KDM4B: variants seen among roughly 807,000 people sequenced by gnomAD.
The protein encoded by KDM4B is lysine-specific demethylase 4B.
KDM4B carries 32 observed loss-of-function variants against 125.2 expected under a neutral mutation model. The observed-to-expected ratio is 0.26, with a 90% CI of 0.19 to 0.34. KDM4B has a LOEUF of 0.34. KDM4B is among the 10% of genes least tolerant of loss of function. The pLI, the probability that KDM4B is intolerant of heterozygous loss-of-function variation, is 1.00. For missense variants in KDM4B, 1,190 were observed against 1,577.7 expected, an observed-to-expected ratio of 0.75 and a Z score of 4.16; for synonymous variants, 721 against 677.9, an observed-to-expected ratio of 1.06 and a Z score of -0.99.
At position 5,035,885 on chromosome 19, in the gene KDM4B, G is replaced by GCGCC. The variant is rs1325785272; in HGVS notation, c.141+2857_141+2858insCCGC. Among the ~76,000 whole-genome samples the GCGCC allele has an allele frequency of 4.9e-5, 7 of 141,618 alleles. No homozygotes were observed. Among genetic ancestry groups the GCGCC allele is most frequent in the African/African-American group, 1.8e-4 (7 of 39,788 alleles). 92.9% of individuals were successfully genotyped at this position (141,618 alleles called of 152,430 possible). ...TCTCTGTGTGTGTGTGTGTGTGCGCGCGCGCGCGCGCCTGCGCGCACAGGA... is the reference window on the plus strand; with the variant it reads ...TCTCTGTGTGTGTGTGTGTGTGCGCGCGCCCGCGCGCGCGCCTGCGCGCACAGGA... On this transcript the variant is annotated intron_variant, in intron 3 of 22. Transcript: ENST00000159111. The surrounding 1 kb of genome is among the most constrained non-coding windows in gnomAD (Gnocchi z 5.3).
chr19:5,131,810 G>A (rs2146060041), intron 12 of KDM4B, 77 bp from the exon 13 acceptor site: 1 of 1,591,334 alleles, frequency 6.3e-7, no homozygotes, highest in Non-Finnish European at 8.6e-7. Context: ...GGCACGCCGA[G>A]CCCCTGTGTG....
intron 9 of KDM4B, among the ~76,000 whole-genome samples, chr19:5,088,665 T>TCCCC (rs35143112): frequency 2.9e-5 from 3 of 103,780 alleles, no homozygotes; most frequent in East Asian, 2.6e-4. Context: ...GCCCCCCCCC[T>TCCCC]CCCCCCCCCC....
intron 1 of KDM4B, among the ~76,000 whole-genome samples, chr19:5,000,690 A>G (rs900561482): frequency 2.0e-5 from 3 of 152,066 alleles, no homozygotes; most frequent in Non-Finnish European, 2.9e-5. Context: ...TAGTTCTTCC[A>G]TTTTTTTCCC....
At chr19:5,120,449 A>C (rs973416718) in intron 11 of KDM4B, among the ~76,000 whole-genome samples, 1 of 152,306 alleles carries the variant, frequency 6.6e-6, no homozygotes, top group East Asian at 1.9e-4. Flanking sequence ...CCCCGTCAGC[A>C]GGTCTCCCAC....
intron 9 of KDM4B, among the ~76,000 whole-genome samples, chr19:5,091,361 T>G (rs1366874451): frequency 6.6e-6 from 1 of 152,184 alleles, no homozygotes; most frequent in African/African-American, 2.4e-5. Context: ...TGTCTGTGGG[T>G]GAGGCCTGCT....
intron 6 of KDM4B, among the ~76,000 whole-genome samples, chr19:5,063,316 G>C (rs1478790912): frequency 6.6e-6 from 1 of 152,098 alleles, no homozygotes; most frequent in African/African-American, 2.4e-5. Context: ...TCATTTTCTT[G>C]CGTGTTCTTT....
intron 6 of KDM4B, among the ~76,000 whole-genome samples, chr19:5,065,251 G>A (rs973695350): frequency 6.6e-6 from 1 of 152,202 alleles, no homozygotes; most frequent in African/African-American, 2.4e-5. Flanking sequence ...GCCCAGGGGT[G>A]GCCTGGGCCG....
Position 5,091,156 on chromosome 19 carries a change from G to A in KDM4B, c.918+8652G>A, listed in dbSNP as rs117913308. Among the ~76,000 whole-genome samples, 993 of 152,372 alleles carry A rather than the reference G, an allele frequency of 6.5e-3. 6 individuals are homozygous for A. Among genetic ancestry groups the A allele is most frequent in the Non-Finnish European group, 9.4e-3 (642 of 68,044 alleles). Reference sequence around the variant, plus strand: ...TGTTAGATTAGCTCAGCACGCGGCCGGGCTGGCCCCGAGGTGGGTGGTGCC... The same window carrying A: ...TGTTAGATTAGCTCAGCACGCGGCCAGGCTGGCCCCGAGGTGGGTGGTGCC... On this transcript the variant is annotated intron_variant, in intron 9 of 22. Coordinates refer to ENST00000159111, the MANE Select transcript of KDM4B (RefSeq NM_015015.3).
intron 2 of KDM4B, among the ~76,000 whole-genome samples, chr19:5,031,361 G>A (rs142814886): frequency 2.0e-4 from 31 of 152,376 alleles, no homozygotes; most frequent in East Asian, 1.3e-3. Context: ...CACTGTGACC[G>A]TCTAGTCTAC....
intron 11 of KDM4B, among the ~76,000 whole-genome samples, chr19:5,127,733 C>T (rs1480394689): frequency 6.6e-6 from 1 of 152,152 alleles, no homozygotes; most frequent in Non-Finnish European, 1.5e-5. Flanking sequence ...GGGAGAGAGC[C>T]CTACAGTGTG....
chr19:5,147,794 G>T (rs1435561267), intron 21 of KDM4B, among the ~76,000 whole-genome samples: 1 of 151,986 alleles, frequency 6.6e-6, no homozygotes, highest in African/African-American at 2.4e-5. Context: ...GGGCGGGGGG[G>T]CAGAGGCTGT....
At chr19:5,045,566 CT>C (rs35326942) in intron 5 of KDM4B, among the ~76,000 whole-genome samples, 449 of 144,874 alleles carry the variant, frequency 3.1e-3, no homozygotes, top group Middle Eastern at 7.2e-3. Context: ...AATTTTCTTT[CT>C]TTTTTTTTTT....
At chr19:5,088,655 G>A (rs1361387409) in intron 9 of KDM4B, among the ~76,000 whole-genome samples, 1 of 98,038 alleles carries the variant, frequency 1.0e-5, no homozygotes, top group Non-Finnish European at 2.2e-5. Context: ...GACAGGCCAG[G>A]CCCCCCCCCT....
chr19:5,119,119 C>T (rs1315801421), intron 10 of KDM4B: 1 of 1,522,804 alleles, frequency 6.6e-7, no homozygotes, highest in Admixed American at 2.0e-5. Flanking sequence ...ACATTCTAGA[C>T]AAATTAGTCT....
At chr19:5,140,156 C>G (rs915751072) in intron 18 of KDM4B, 3 of 152,670 alleles carry the variant, frequency 2.0e-5, no homozygotes, top group Non-Finnish European at 4.4e-5. Context: ...CTTGTCAAAT[C>G]TGCAGCCTCG....
chr19:5,032,013 T>C (rs142863191), intron 2 of KDM4B, among the ~76,000 whole-genome samples: 2 of 152,342 alleles, frequency 1.3e-5, no homozygotes, highest in African/African-American at 4.8e-5. Flanking sequence ...CTGTCGTCTT[T>C]CTGCCTTTGG....
chr19:5,114,512 G>A lies in KDM4B; in HGVS notation c.1115+3694G>A, dbSNP rs2039218270. The A allele has an allele frequency of 2.8e-6, 1 of 355,728 alleles. No homozygotes were observed. Among genetic ancestry groups the A allele is most frequent in the Non-Finnish European group, 5.6e-6 (1 of 178,146 alleles). 22.0% of individuals were successfully genotyped at this position (355,728 alleles called of 1,614,324 possible). A position where few individuals can be genotyped will look rare whatever the true frequency, so the allele number is the denominator to read the frequency against. On this transcript the variant is annotated intron_variant, in intron 10 of 22. Transcript: ENST00000159111. The surrounding 1 kb of genome is among the most constrained non-coding windows in gnomAD (Gnocchi z 5.8). ...TCAGCCCTCAGGGACAGAACCTCACGAGCACAGGGACCTGCCAGCCCCTGC... is the reference window on the plus strand; with the variant it reads ...TCAGCCCTCAGGGACAGAACCTCACAAGCACAGGGACCTGCCAGCCCCTGC...
chr19:5,079,641 T>G (rs921269882), intron 8 of KDM4B, among the ~76,000 whole-genome samples: 1 of 152,234 alleles, frequency 6.6e-6, no homozygotes, highest in African/African-American at 2.4e-5. Context: ...GAGCCGTCAC[T>G]TGGCCTTAGA....
chr19:5,129,696 C>T (rs931010883), intron 11 of KDM4B, among the ~76,000 whole-genome samples: 1 of 152,244 alleles, frequency 6.6e-6, no homozygotes, highest in Non-Finnish European at 1.5e-5. Flanking sequence ...ATATCAACCA[C>T]GGTTCCTCCT....
Sources: gnomAD v4.1 joint callset for allele counts (sites outside exome capture counted in the v4.1 genomes callset) on GRCh38, gnomAD v4.1.1 for gene constraint, Gnocchi (gnomAD v3.1) non-coding constraint, MANE v1.5 for transcripts, NCBI Gene and HGNC (gene_info 2026-07-23, HGNC 2026-07-21) for gene names.